The following PDE4D variants were observed in gnomAD, a reference collection of about 807,000 sequenced individuals.
PDE4D encodes the protein phosphodiesterase 4D.
PDE4D carries 24 observed loss-of-function variants against 87.4 expected under a neutral mutation model. The observed-to-expected ratio is 0.27, with a 90% CI of 0.20 to 0.39. PDE4D has a LOEUF of 0.39. Among genes scored for constraint, PDE4D ranks in the 10% least tolerant of loss-of-function variants. The pLI is 1.00. For missense variants in PDE4D, 714 were observed against 1,041.0 expected (o/e 0.69, Z 4.32); for synonymous variants, 384 against 383.2 (o/e 1.00, Z -0.02).
intron 1 of PDE4D, among the ~76,000 whole-genome samples, chr5:60,481,922 C>T (rs2150217554): frequency 6.6e-6 from 1 of 151,900 alleles, no homozygotes; most frequent in South Asian, 2.1e-4. Flanking sequence ...TTTTTCATTA[C>T]CTTATTGGTT....
At chr5:59,751,621 C>T (rs7730324) in intron 1 of PDE4D, among the ~76,000 whole-genome samples, 7 of 118,922 alleles carry the variant, frequency 5.9e-5, no homozygotes, top group Admixed American at 1.6e-4. Flanking sequence ...GATGTGAGAG[C>T]GAGCGAGCGA....
At chr5:60,349,189 C>T (rs1758982557) in intron 1 of PDE4D, among the ~76,000 whole-genome samples, 1 of 152,090 alleles carries the variant, frequency 6.6e-6, no homozygotes. Flanking sequence ...TAATGCACTG[C>T]CCCAGCCACT....
chr5:59,309,208 T>C (rs2153564917), intron 1 of PDE4D, among the ~76,000 whole-genome samples: 2 of 152,232 alleles, frequency 1.3e-5, no homozygotes, highest in East Asian at 3.9e-4. Context: ...AAGGGATTGG[T>C]TCTACTCCAC....
At chr5:60,154,013 T>C (rs910510508) in intron 2 of PDE4D, among the ~76,000 whole-genome samples, 2 of 151,532 alleles carry the variant, frequency 1.3e-5, no homozygotes, top group African/African-American at 4.9e-5. Flanking sequence ...TCAATTTAAA[T>C]GTTCTTACCA....
chr5:60,104,307 G>T (rs930672685), intron 2 of PDE4D, among the ~76,000 whole-genome samples: 2 of 152,210 alleles, frequency 1.3e-5, no homozygotes, highest in Non-Finnish European at 2.9e-5. Flanking sequence ...GAGGCTGGGG[G>T]AGAGGCGCCC....
chr5:60,364,408 G>A (rs756565686), intron 1 of PDE4D, among the ~76,000 whole-genome samples: 14 of 152,116 alleles, frequency 9.2e-5, no homozygotes, highest in Non-Finnish European at 1.9e-4. Context: ...GATCTTTACA[G>A]AATTTCTTTA....
rs193121043 is a variant in PDE4D at position 60,009,668 on chromosome 5, A to T, written c.43-20951T>A. On this transcript the variant is annotated intron_variant, in intron 2 of 16. Transcript: ENST00000502484. The stretch of plus-strand genomic sequence containing the variant: ...GACAGTTTGCAAACCAGGGACCTCA[A>T]ATCAAAAGTGGTAAGAAGCTCTGTT... Among the ~76,000 whole-genome samples, 474 of 152,224 alleles carry T rather than the reference A, an allele frequency of 3.1e-3. 4 individuals carry two copies. The highest frequency in any genetic ancestry group is 0.011 in the African/African-American group (455 of 41,582).
At chr5:59,688,349 C>T (rs1431315390) in intron 1 of PDE4D, among the ~76,000 whole-genome samples, 2 of 152,170 alleles carry the variant, frequency 1.3e-5, no homozygotes, top group Non-Finnish European at 2.9e-5. Flanking sequence ...TGTTAAAGAA[C>T]AGAAATTACA....
intron 1 of PDE4D, among the ~76,000 whole-genome samples, chr5:59,331,196 TC>T (rs1050195221): frequency 2.0e-5 from 3 of 152,206 alleles, no homozygotes; most frequent in Non-Finnish European, 4.4e-5. Flanking sequence ...TTGTAGTTTT[TC>T]CCTAGGGCTG....
chr5:60,203,365 A>G (rs1742149155), intron 1 of PDE4D, among the ~76,000 whole-genome samples: 1 of 152,260 alleles, frequency 6.6e-6, no homozygotes, highest in Non-Finnish European at 1.5e-5. Context: ...ATGATAATGT[A>G]TATGAATATA....
chr5:60,429,364 T>A (rs1464934488), intron 1 of PDE4D, among the ~76,000 whole-genome samples: 2 of 152,220 alleles, frequency 1.3e-5, no homozygotes, highest in Non-Finnish European at 2.9e-5. Flanking sequence ...TTGCTGAAGT[T>A]ATCTAGGAGC....
intron 5 of PDE4D, among the ~76,000 whole-genome samples, chr5:59,048,892 G>A (rs1761119077): frequency 6.6e-6 from 1 of 152,010 alleles, no homozygotes; most frequent in Non-Finnish European, 1.5e-5. Flanking sequence ...GTCTACTACT[G>A]GATCTCCTTG....
At chr5:59,913,647 C>G (rs1055738235) in intron 3 of PDE4D, among the ~76,000 whole-genome samples, 1 of 152,004 alleles carries the variant, frequency 6.6e-6, no homozygotes, top group Non-Finnish European at 1.5e-5. Context: ...TTGTATTTGT[C>G]TACCTCAGGC....
intron 1 of PDE4D, among the ~76,000 whole-genome samples, chr5:59,597,960 G>C (rs938413686): frequency 1.3e-5 from 2 of 152,012 alleles, no homozygotes; most frequent in Non-Finnish European, 2.9e-5. Context: ...TCTATAATTG[G>C]CATATTCCAT....
chr5:59,183,806 C>T (rs1487613130), intron 4 of PDE4D, among the ~76,000 whole-genome samples: 1 of 152,190 alleles, frequency 6.6e-6, no homozygotes, highest in East Asian at 1.9e-4. Context: ...CTACTTTGCC[C>T]TTTCAGCGAA....
At chr5:59,191,973 A>T (rs1561669253) in intron 3 of PDE4D, among the ~76,000 whole-genome samples, 1 of 152,212 alleles carries the variant, frequency 6.6e-6, no homozygotes, top group Non-Finnish European at 1.5e-5. Flanking sequence ...TGGACACAGA[A>T]ATACAGGTAC....
chr5:59,844,768 T>C (rs926880693), intron 1 of PDE4D, among the ~76,000 whole-genome samples: 3 of 152,084 alleles, frequency 2.0e-5, no homozygotes, highest in African/African-American at 7.2e-5. Context: ...ATTAGGTTAT[T>C]ATGTATGGAG....
At chr5:59,157,193 C>T (rs1283931339) in intron 5 of PDE4D, 1 of 622,860 alleles carries the variant, frequency 1.6e-6, no homozygotes, top group Non-Finnish European at 2.9e-6. Flanking sequence ...TTAGAATTTC[C>T]ACCAGTCAGC....
chr5:59,771,630 C>T (rs1459095265), intron 1 of PDE4D, among the ~76,000 whole-genome samples: 2 of 152,048 alleles, frequency 1.3e-5, no homozygotes, highest in Non-Finnish European at 2.9e-5. Flanking sequence ...TGCTTTTAGC[C>T]ACCTTGTAGA....
Sources: allele counts gnomAD v4.1 joint callset (sites outside exome capture counted in the v4.1 genomes callset), GRCh38; gene constraint gnomAD v4.1.1; transcripts MANE v1.5; gene names NCBI Gene and HGNC (gene_info 2026-07-23, HGNC 2026-07-21).